Variants in LAS1L observed in about 807,000 individuals in gnomAD.
LAS1L encodes the protein ribosomal biogenesis protein LAS1L.
A neutral mutation model predicts 57.3 loss-of-function variants in LAS1L; 5 were observed. The ratio of observed to expected loss-of-function variants is 0.09; its 90% CI spans 0.05 to 0.18. The LOEUF (loss-of-function observed/expected upper bound fraction) is 0.18, where lower values mean the gene tolerates loss of function less well. LAS1L is among the 10% of genes least tolerant of loss of function. The pLI is 1.00. For synonymous variants in LAS1L, 245 were observed against 231.7 expected, an observed-to-expected ratio of 1.06 and a Z score of -0.52; for missense variants, 360 against 568.3, an observed-to-expected ratio of 0.63 and a Z score of 3.73.
rs2069276074 is a variant in LAS1L at position 65,528,280 on chromosome X, C to T, written c.936G>A (p.Lys312=). 8.3e-7 allele frequency: 1 copy of T among 1,199,876 alleles called. No individual in the cohort carries two copies. Among genetic ancestry groups the T allele is most frequent in the Non-Finnish European group, 1.1e-6 (1 of 886,633 alleles). The change falls in exon 7 of 14, where the codon AAG becomes AAA. Residue 312 remains lysine, a synonymous_variant. Transcript: ENST00000374811. The stretch of plus-strand genomic sequence containing the variant: ...CACACCTGTTCTCGCATGTAACGCC[C>T]TTGAGCTCTGCCAGGACACATTCTA... The part of the protein sequence containing the change: ...PRVECVLAEL[K]GVTCENREAV...
At chrX:65,533,264 A>G (rs1156250348) in intron 2 of LAS1L, among the ~76,000 whole-genome samples, 1 of 110,061 alleles carries the variant, frequency 9.1e-6, no homozygotes, top group South Asian at 4.1e-4. Context: ...GAGGACCCTG[A>G]GCCATTCAGA....
At chrX:65,534,027 G>A (rs1202370930) in intron 1 of LAS1L, among the ~76,000 whole-genome samples, 4 of 111,515 alleles carry the variant, frequency 3.6e-5, no homozygotes, top group East Asian at 2.8e-4. Context: ...CATTGAGCTA[G>A]AGGAGCCCCT....
intron 10 of LAS1L, 84 bp from the exon 11 acceptor site, chrX:65,523,791 C>T: frequency 9.8e-7 from 1 of 1,020,159 alleles, no homozygotes; most frequent in Non-Finnish European, 1.3e-6. Context: ...GGCTCTGTCC[C>T]TCCCCATCCC....
In LAS1L at chrX:65,529,730, G is replaced by A. The variant is rs778389447; in HGVS notation, c.663C>T (p.Asp221=). 3 of 1,211,681 alleles carry A rather than the reference G, an allele frequency of 2.5e-6. No homozygotes were observed. Among genetic ancestry groups the A allele is most frequent in the Non-Finnish European group, 3.4e-6 (3 of 895,437 alleles). ...GAGGCTCTGGTTTCTGTTCTGTGAT[G>A]TCATCAACAACAATGTTCTTATCTT... The part of the protein sequence containing the change: ...QEEDKNIVVD[D]ITEQKPEPQD... Residue 221 remains aspartate, a synonymous_variant, in exon 5 of 14, where the codon GAC becomes GAT. Transcript: ENST00000374811.
Position 65,533,653 on chromosome X carries a change from C to A in LAS1L, c.319G>T (p.Gly107Cys). Residue 107 changes from glycine to cysteine, a missense_variant, in exon 2 of 14, where the codon GGC becomes TGC. Gly to Cys is a radical substitution (Grantham distance 159, BLOSUM62 -3). Coordinates refer to ENST00000374811, the MANE Select transcript of LAS1L (RefSeq NM_031206.7). ...TAGAGCAGTCTAAGTTCATCAGTGC[C>A]CAAGCCACCAGTTACATCCAAGAGC... ...CKLLDVTGGL[G>C]TDELRLLYGM... is the part of the protein sequence containing the mutation. The A allele has an allele frequency of 8.3e-7, 1 of 1,210,925 alleles. No homozygotes were observed. The highest frequency in any genetic ancestry group is 1.1e-6 in the Non-Finnish European group (1 of 894,916).
At chrX:65,532,434 A>T in intron 3 of LAS1L, 127 bp downstream of exon 3, 2 of 519,789 alleles carry the variant, frequency 3.8e-6, no homozygotes, top group Middle Eastern at 9.3e-4. Flanking sequence ...AGGCTCTGGG[A>T]TTCTTGCTGG....
rs1172485362 is a variant in LAS1L at position 65,533,860 on chromosome X, A to G, written c.237-125T>C. ...GGTTCAAGAGAGCATGAACAGACAC[A>G]AAACAAGAAGGTGGGAGGAGACACG... On this transcript the variant is annotated intron_variant, in intron 1 of 13. Transcript: ENST00000374811. The G allele has an allele frequency of 9.6e-6, 7 of 731,093 alleles. No homozygotes were observed. The African/African-American group carries it at 1.5e-4, about 16-fold the overall frequency. The allele number at this position is 731,093 out of a possible 1,213,427, so 60.3% of individuals were successfully genotyped here.
chrX:65,533,992 CCTTT>C (rs1345932733), intron 1 of LAS1L, among the ~76,000 whole-genome samples: 8 of 111,659 alleles, frequency 7.2e-5, no homozygotes, highest in Admixed American at 3.8e-4. Flanking sequence ...TGGACACACC[CCTTT>C]CTTTCACCCC....
chrX:65,534,546 T>C lies in LAS1L; in HGVS notation c.170A>G (p.Tyr57Cys). The change falls in exon 1 of 14, where the codon TAT (tyrosine) becomes TGT (cysteine). Residue 57 changes from tyrosine to cysteine, a missense_variant. Transcript: ENST00000374811. ...SRAEWDQVTV[Y>C]LFCDDHKLQR... ...CAACTTATGGTCGTCACAGAACAGA[T>C]AAACCGTCACCTGGTCCCACTCGGC... The C allele has an allele frequency of 8.3e-7, 1 of 1,209,025 alleles. No individual in the cohort carries two copies. The highest frequency in any genetic ancestry group is 1.1e-6 in the Non-Finnish European group (1 of 894,233).
rs2069702906 is a variant in LAS1L at position 65,534,476 on chromosome X, T to C, written c.236+4A>G. The C allele has an allele frequency of 8.4e-7, 1 of 1,190,125 alleles. No homozygotes were observed. The highest frequency in any genetic ancestry group is 1.8e-5 in the African/African-American group (1 of 56,718). ...AGGCAAAAGGGCCGAACCCGCCACC[T>C]TACCTGCTCCTCCACACCGTGATGC... On this transcript the variant is annotated splice_donor_region_variant and intron_variant, in intron 1 of 13. Transcript: ENST00000374811.
At position 65,534,168 on chromosome X, in the gene LAS1L, C is replaced by T. The variant is rs148444597; in HGVS notation, c.236+312G>A. On this transcript the variant is annotated intron_variant, in intron 1 of 13. Coordinates refer to ENST00000374811, the MANE Select transcript of LAS1L (RefSeq NM_031206.7). ...TCTACCCTAGGGTACTAATCTACTC[C>T]TTAAGCCCTGGCTCAGGCCTCACTA... is the stretch of plus-strand genomic sequence containing the variant. Among the ~76,000 whole-genome samples the T allele has an allele frequency of 4.0e-4, 45 of 112,271 alleles. No homozygotes were observed. The East Asian group carries it at 0.011, about 29-fold the overall frequency.
At position 65,534,639 on chromosome X, in the gene LAS1L, T is replaced by C; in HGVS notation, c.77A>G (p.Lys26Arg). ...CAACGACCCTTTCCCTTTAACGCAC[T>C]TTCCGTACCACGCACTCCACACGAG... Reference protein sequence around the residue: ...MDLVWSAWYGKCVKGKGSLPL... With the variant: ...MDLVWSAWYGRCVKGKGSLPL... The change falls in exon 1 of 14, where the codon AAG becomes AGG. Residue 26 changes from lysine (K) to arginine (R), a missense_variant. By Grantham distance (26) the Lys-to-Arg change is conservative. Coordinates refer to ENST00000374811, the MANE Select transcript of LAS1L (RefSeq NM_031206.7). 5.0e-6 allele frequency: 6 copies of C among 1,195,690 alleles called. No homozygotes were observed. The highest frequency in any genetic ancestry group is 6.8e-6 in the Non-Finnish European group (6 of 887,545).
At position 65,525,062 on chromosome X, in the gene LAS1L, G is replaced by A; in HGVS notation, c.957-12C>T. ...CCAGCACAGCCTCCCTGGAACAAGAGGACACTAGTTTAGCAAAGTGATGCT... is the reference window on the plus strand; with the variant it reads ...CCAGCACAGCCTCCCTGGAACAAGAAGACACTAGTTTAGCAAAGTGATGCT... On this transcript the variant is annotated splice_polypyrimidine_tract_variant and intron_variant, in intron 7 of 13. Transcript: ENST00000374811. 3 of 1,188,329 alleles carry A rather than the reference G, an allele frequency of 2.5e-6. No individual in the cohort carries two copies. The highest frequency in any genetic ancestry group is 2.2e-5 in the Admixed American group (1 of 45,518).
intron 1 of LAS1L, among the ~76,000 whole-genome samples, chrX:65,534,138 G>A (rs1438574111): frequency 8.9e-6 from 1 of 111,862 alleles, no homozygotes; most frequent in Non-Finnish European, 1.9e-5. Context: ...CATTGGAATC[G>A]GAAATCTACC....
rs1205823144 is a variant in LAS1L at position 65,521,276 on chromosome X, C to A, written c.1448+2284G>T. On this transcript the variant is annotated intron_variant, in intron 11 of 13. Coordinates refer to ENST00000374811, the MANE Select transcript of LAS1L (RefSeq NM_031206.7). Reference sequence around the variant, plus strand: ...TCCCCAGGCACTGGGTCAGCTCCCACCAAGGACAGCACTGCTGGGAATGAG... The same window carrying A: ...TCCCCAGGCACTGGGTCAGCTCCCAACAAGGACAGCACTGCTGGGAATGAG... 1.0e-4 allele frequency: 79 copies of A among 752,859 alleles called. 1 individual carries two copies. The highest frequency in any genetic ancestry group is 1.2e-4 in the Non-Finnish European group (77 of 638,816). The allele number at this position is 752,859 out of a possible 1,213,427, so 62.0% of individuals were successfully genotyped here. A position where few individuals can be genotyped will look rare whatever the true frequency, so the allele number is the denominator to read the frequency against.
intron 12 of LAS1L, among the ~76,000 whole-genome samples, chrX:65,515,438 A>G (rs929748455): frequency 2.7e-5 from 3 of 110,332 alleles, no homozygotes; most frequent in Non-Finnish European, 5.7e-5. Flanking sequence ...CCAGTACCTC[A>G]GAGTAGCTGA....
chrX:65,533,847 C>G lies in LAS1L; in HGVS notation c.237-112G>C, dbSNP rs2069636211. The G allele has an allele frequency of 3.8e-6, 3 of 785,718 alleles. 1 individual carries two copies. Among genetic ancestry groups the G allele is most frequent in the South Asian group, 5.3e-5 (2 of 37,861 alleles). The allele number at this position is 785,718 out of a possible 1,213,427, so 64.8% of individuals were successfully genotyped here. The stretch of plus-strand genomic sequence containing the variant: ...CCCATCATATTCTGGTTCAAGAGAG[C>G]ATGAACAGACACAAAACAAGAAGGT... On this transcript the variant is annotated intron_variant, in intron 1 of 13. Transcript: ENST00000374811.
rs142372257 is a variant in LAS1L at position 65,526,458 on chromosome X, G to T, written c.957-1408C>A. ...CCACCACCAACCCTTTTGCTGAAGG[G>T]TAGAGCCAAGAAACCTAGGCTGGGC... is the stretch of plus-strand genomic sequence containing the variant. On this transcript the variant is annotated intron_variant, in intron 7 of 13. Transcript: ENST00000374811. 4.5e-5 allele frequency among the ~76,000 whole-genome samples: 5 copies of T among 111,620 alleles called. No individual in the cohort carries two copies. In the East Asian group the frequency reaches 1.4e-3, roughly 31 times the overall value.
At chrX:65,523,286 T>A (rs928005954) in intron 11 of LAS1L, 3 of 259,940 alleles carry the variant, frequency 1.2e-5, no homozygotes, top group Non-Finnish European at 2.0e-5. Flanking sequence ...ATTGTGCACT[T>A]ACTCTGTGCA....
Sources: allele counts gnomAD v4.1 joint callset (sites outside exome capture counted in the v4.1 genomes callset), GRCh38; gene constraint gnomAD v4.1.1; transcripts MANE v1.5; gene names NCBI Gene and HGNC (gene_info 2026-07-23, HGNC 2026-07-21).